Variants in SPAG6 observed in about 807,000 individuals in gnomAD.
SPAG6 encodes the protein sperm associated antigen 6.
Under a neutral mutation model 58.5 loss-of-function variants are expected in SPAG6, and 49 were observed. The ratio of observed to expected loss-of-function variants is 0.84; its 90% CI spans 0.67 to 1.06. The LOEUF (loss-of-function observed/expected upper bound fraction) is 1.06, where lower values mean the gene tolerates loss of function less well. Ranked by LOEUF, SPAG6 falls within the 50% of genes least tolerant of loss-of-function variation. The pLI, the probability that SPAG6 is intolerant of heterozygous loss-of-function variation, is 0.00. For missense variants in SPAG6, 560 were observed against 611.3 expected, an observed-to-expected ratio of 0.92 and a Z score of 0.89; for synonymous variants, 233 against 225.6, an observed-to-expected ratio of 1.03 and a Z score of -0.29.
intron 2 of SPAG6, among the ~76,000 whole-genome samples, chr10:22,346,492 T>TCTTCTTCTTCTA (rs1836553300): frequency 7.0e-6 from 1 of 142,190 alleles, no homozygotes; most frequent in African/African-American, 3.1e-5. Context: ...TTCTTCTTCT[T>TCTTCTTCTTCTA]CTTCTTTCTT....
chr10:22,373,880 A>C lies in SPAG6; in HGVS notation c.472+5202A>C, dbSNP rs144509879. On this transcript the variant is annotated intron_variant, in intron 4 of 10. Coordinates refer to ENST00000376624, the MANE Select transcript of SPAG6 (RefSeq NM_012443.4). ...GTATTTTTTAGGTGCTAGTGAAAAA[A>C]ATATAAAGTGAAAATAAATATCCCT... Among the ~76,000 whole-genome samples, 488 of 152,286 alleles carry C rather than the reference A, an allele frequency of 3.2e-3. 2 individuals carry two copies. The highest frequency in any genetic ancestry group is 0.011 in the African/African-American group (472 of 41,544).
In SPAG6 at chr10:22,346,528, TTTTCTTC is replaced by T. The variant is rs1352580743; in HGVS notation, c.121+727_121+733del. On this transcript the variant is annotated intron_variant, in intron 2 of 10. Coordinates refer to ENST00000376624, the MANE Select transcript of SPAG6 (RefSeq NM_012443.4). ...CTTCTTCTTCCTCTTCTTCTTCTTC[TTTTCTTC>T]TTTCTTCTTTCTTCTTCTTTTTTTT... Among the ~76,000 whole-genome samples, 64 of 147,354 alleles carry T rather than the reference TTTTCTTC, an allele frequency of 4.3e-4. 1 individual carries two copies. Among genetic ancestry groups the T allele is most frequent in the Admixed American group, 2.3e-3 (33 of 14,554 alleles).
chr10:22,354,814 A>G (rs907650183), intron 2 of SPAG6, among the ~76,000 whole-genome samples: 1 of 152,094 alleles, frequency 6.6e-6, no homozygotes, highest in African/African-American at 2.4e-5. Context: ...GTTCGAGACC[A>G]GCCTGGCCAA....
intron 8 of SPAG6, among the ~76,000 whole-genome samples, chr10:22,400,198 A>C (rs891426054): frequency 1.3e-5 from 2 of 152,138 alleles, no homozygotes; most frequent in Non-Finnish European, 2.9e-5. Context: ...CAGTGTGGTG[A>C]TCCCAGAAGA....
At chr10:22,393,899 A>C (rs1334378615) in intron 8 of SPAG6, among the ~76,000 whole-genome samples, 1 of 152,054 alleles carries the variant, frequency 6.6e-6, no homozygotes, top group African/African-American at 2.4e-5. Flanking sequence ...CTCATTTGTT[A>C]CTCTATGGCA....
chr10:22,414,916 G>A lies in SPAG6; in HGVS notation c.1461-1703G>A, dbSNP rs369689440. Reference sequence around the variant, plus strand: ...TGAGTAGCTGGGATTACAGGCATGCGCCACCATGCCCAGCTAATTTTGTAT... The same window carrying A: ...TGAGTAGCTGGGATTACAGGCATGCACCACCATGCCCAGCTAATTTTGTAT... On this transcript the variant is annotated intron_variant, in intron 10 of 10. Coordinates refer to ENST00000376624, the MANE Select transcript of SPAG6 (RefSeq NM_012443.4). Among the ~76,000 whole-genome samples the A allele has an allele frequency of 2.4e-3, 360 of 152,204 alleles. 9 individuals carry two copies. The highest frequency in any genetic ancestry group is 7.7e-3 in the African/African-American group (321 of 41,530).
intron 9 of SPAG6, among the ~76,000 whole-genome samples, chr10:22,410,140 A>T (rs534038191): frequency 6.6e-6 from 1 of 152,200 alleles, no homozygotes; most frequent in South Asian, 2.1e-4. Context: ...TCTTGGATTT[A>T]TTGATTCCTT....
chr10:22,350,106 C>CT lies in SPAG6; in HGVS notation c.121+4301dup, dbSNP rs754220965. Among the ~76,000 whole-genome samples the CT allele has an allele frequency of 8.8e-3, 1,257 of 142,724 alleles. 8 individuals carry two copies. Among genetic ancestry groups the CT allele is most frequent in the Admixed American group, 0.024 (347 of 14,304 alleles). The allele number at this position is 142,724 out of a possible 152,430, so 93.6% of individuals were successfully genotyped here. Reference sequence around the variant, plus strand: ...AACCAATCATGCTATTTAAATTTGACTTTTTTTTTTTTTGGTATAGAAGGA... The same window carrying CT: ...AACCAATCATGCTATTTAAATTTGACTTTTTTTTTTTTTTGGTATAGAAGGA... On this transcript the variant is annotated intron_variant, in intron 2 of 10. Coordinates refer to ENST00000376624, the MANE Select transcript of SPAG6 (RefSeq NM_012443.4).
At chr10:22,368,781 ATGATGTTTC>A (rs1837267779) in intron 4 of SPAG6, 103 bp downstream of exon 4, 1 of 848,082 alleles carries the variant, frequency 1.2e-6, no homozygotes, top group Non-Finnish European at 1.8e-6. Context: ...TGGGGTTTTA[ATGATGTTTC>A]TGTATGTGAT....
At chr10:22,390,492 A>G (rs1319993016) in intron 7 of SPAG6, among the ~76,000 whole-genome samples, 6 of 152,208 alleles carry the variant, frequency 3.9e-5, no homozygotes, top group Admixed American at 3.9e-4. Flanking sequence ...GGCAAGCCAC[A>G]TAGTATGGTA....
In SPAG6 at chr10:22,365,197, C is replaced by T. The variant is rs541782021; in HGVS notation, c.288+178C>T. Among the ~76,000 whole-genome samples, 3 of 152,156 alleles carry T rather than the reference C, an allele frequency of 2.0e-5. No individual in the cohort carries two copies. In the South Asian group the frequency reaches 6.2e-4, roughly 32 times the overall value. On this transcript the variant is annotated intron_variant, in intron 3 of 10. Transcript: ENST00000376624. Reference sequence around the variant, plus strand: ...GGTATTTTGCTTTGGTGCTGATAACCACCATTTATCTATTATTGATAATAT... The same window carrying T: ...GGTATTTTGCTTTGGTGCTGATAACTACCATTTATCTATTATTGATAATAT...
intron 4 of SPAG6, among the ~76,000 whole-genome samples, chr10:22,383,746 A>G (rs1053421232): frequency 4.6e-5 from 7 of 151,942 alleles, no homozygotes; most frequent in African/African-American, 1.5e-4. Context: ...TTCCCTGAAC[A>G]CTCCACAGAC....
At chr10:22,402,008 C>T (rs993185312) in intron 9 of SPAG6, among the ~76,000 whole-genome samples, 7 of 152,086 alleles carry the variant, frequency 4.6e-5, no homozygotes, top group African/African-American at 1.2e-4. Flanking sequence ...GTTATGAGCT[C>T]GGTTCTGAAT....
intron 9 of SPAG6, among the ~76,000 whole-genome samples, chr10:22,409,443 G>A (rs1158662372): frequency 1.3e-5 from 2 of 152,190 alleles, no homozygotes; most frequent in Non-Finnish European, 2.9e-5. Flanking sequence ...CCAGCTCTCT[G>A]TTGAGCATTG....
chr10:22,410,157 C>T (rs971525209), intron 9 of SPAG6, among the ~76,000 whole-genome samples: 1 of 152,118 alleles, frequency 6.6e-6, no homozygotes, highest in Non-Finnish European at 1.5e-5. Flanking sequence ...CCTTACGTTT[C>T]TGATCTTCTG....
chr10:22,375,698 A>G (rs12263897), intron 4 of SPAG6, among the ~76,000 whole-genome samples: 2 of 148,824 alleles, frequency 1.3e-5, no homozygotes, highest in Non-Finnish European at 3.0e-5. Context: ...CCTGCCTCAG[A>G]CTCCCAAGTA....
chr10:22,396,295 T>C (rs112076557), intron 8 of SPAG6, among the ~76,000 whole-genome samples: 30 of 152,302 alleles, frequency 2.0e-4, no homozygotes, highest in African/African-American at 6.5e-4. Context: ...CATACTGTTC[T>C]TGTGGTAGGG....
intron 8 of SPAG6, among the ~76,000 whole-genome samples, chr10:22,396,644 GT>G (rs1245488217): frequency 6.6e-6 from 1 of 152,066 alleles, no homozygotes; most frequent in East Asian, 1.9e-4. Flanking sequence ...AATTGTATTG[GT>G]TTCCCATAGT....
intron 2 of SPAG6, among the ~76,000 whole-genome samples, chr10:22,346,479 T>TTCTTCTTCTTCC (rs1836546738): frequency 7.1e-6 from 1 of 141,502 alleles, no homozygotes; most frequent in African/African-American, 3.1e-5. Flanking sequence ...CTTCTTCTTC[T>TTCTTCTTCTTCC]TCTTCTTCTT....
Sources: allele counts gnomAD v4.1 joint callset (sites outside exome capture counted in the v4.1 genomes callset), GRCh38; gene constraint gnomAD v4.1.1; transcripts MANE v1.5; gene names NCBI Gene and HGNC (gene_info 2026-07-23, HGNC 2026-07-21).